The following RNF130 variants were observed in gnomAD, a reference collection of about 807,000 sequenced individuals.
The protein encoded by RNF130 is ring finger protein 130, also known as E3 ubiquitin-protein ligase RNF130.
In RNF130, 21 loss-of-function variants were observed where a neutral mutation model predicts 44.6. The ratio of observed to expected loss-of-function variants is 0.47; its 90% CI spans 0.33 to 0.68. RNF130 has a LOEUF of 0.68. Ranked by LOEUF, RNF130 falls within the 30% of genes least tolerant of loss-of-function variation. The probability of loss-of-function intolerance (pLI) is 0.02; values close to 1 mark genes in which losing one functional copy is unlikely to be tolerated. For synonymous variants in RNF130, 214 were observed against 210.4 expected (o/e 1.02, Z -0.15); for missense variants, 479 against 560.6 (o/e 0.85, Z 1.47).
exon 8 of RNF130, chr5:179,914,824 G>T (rs1042215315): frequency 9.9e-5 from 15 of 152,192 alleles, no homozygotes; most frequent in African/African-American, 3.6e-4. Context: ...GAGCCCAGGA[G>T]TTTGAGGCTA....
exon 8 of RNF130, chr5:179,913,697 C>G (rs946443727): frequency 6.6e-6 from 1 of 152,150 alleles, no homozygotes; most frequent in African/African-American, 2.4e-5. Context: ...AGGATACCCA[C>G]AAAAAAGAGG....
intron 7 of RNF130, among the ~76,000 whole-genome samples, chr5:179,923,955 G>C (rs1314668662): frequency 6.6e-6 from 1 of 152,164 alleles, no homozygotes; most frequent in East Asian, 1.9e-4. Flanking sequence ...CTCAACAGAC[G>C]AGTATTAAAT....
At chr5:180,033,448 G>A (rs1764178109) in intron 2 of RNF130, among the ~76,000 whole-genome samples, 1 of 152,216 alleles carries the variant, frequency 6.6e-6, no homozygotes, top group African/African-American at 2.4e-5. Flanking sequence ...TTTTGGGCAG[G>A]CCCAGTGGCT....
chr5:179,961,043 T>C (rs1293179506), intron 8 of RNF130, among the ~76,000 whole-genome samples: 5 of 152,136 alleles, frequency 3.3e-5, no homozygotes, highest in Non-Finnish European at 1.5e-5. Context: ...AAGAGTACTA[T>C]TATCTTTCCT....
chr5:179,936,642 T>C (rs1404398219), intron 7 of RNF130, among the ~76,000 whole-genome samples: 1 of 152,216 alleles, frequency 6.6e-6, no homozygotes, highest in African/African-American at 2.4e-5. Context: ...AGCCTTTCAT[T>C]GCTACTTTAA....
intron 1 of RNF130, among the ~76,000 whole-genome samples, chr5:180,069,731 A>G (rs1285645714): frequency 6.6e-6 from 1 of 152,266 alleles, no homozygotes; most frequent in African/African-American, 2.4e-5. Flanking sequence ...ACAGTGTCAC[A>G]CAATGGACGT....
chr5:179,927,779 A>T (rs1476810870), intron 7 of RNF130, among the ~76,000 whole-genome samples: 2 of 151,552 alleles, frequency 1.3e-5, no homozygotes, highest in Non-Finnish European at 2.9e-5. Flanking sequence ...TTTAGTAGAG[A>T]TAGGCTTTCA....
chr5:180,007,337 G>A (rs1340066184), intron 3 of RNF130, among the ~76,000 whole-genome samples: 1 of 152,160 alleles, frequency 6.6e-6, no homozygotes, highest in East Asian at 1.9e-4. Context: ...GGAGGCAGAG[G>A]TTGCAGTGAG....
chr5:179,932,108 C>A (rs1761816171), intron 7 of RNF130, among the ~76,000 whole-genome samples: 1 of 152,036 alleles, frequency 6.6e-6, no homozygotes, highest in Non-Finnish European at 1.5e-5. Context: ...GTATTTAGCT[C>A]CCCTTTTGTA....
intron 6 of RNF130, among the ~76,000 whole-genome samples, chr5:179,967,644 A>AACAATGTGGCTATTTGTTTACCT (rs1762481184): frequency 1.3e-5 from 2 of 152,268 alleles, no homozygotes; most frequent in South Asian, 4.1e-4. Flanking sequence ...CTTCCGTTGT[A>AACAATGTGGCTATTTGTTTACCT]ACAATGTGGC....
At chr5:179,954,568 A>G (rs114371021), downstream of RNF130, among the ~76,000 whole-genome samples, 870 of 152,352 alleles carry the variant, frequency 5.7e-3, 11 homozygotes, top group African/African-American at 0.02. Context: ...AGGGCTGGCA[A>G]GGGTGAGAAG....
chr5:179,949,309 G>C (rs1354593439), intron 7 of RNF130, among the ~76,000 whole-genome samples: 14 of 151,246 alleles, frequency 9.3e-5, no homozygotes, highest in Non-Finnish European at 1.5e-5. Context: ...GTGATGCCCA[G>C]GCTGGAGTGC....
intron 6 of RNF130, among the ~76,000 whole-genome samples, chr5:179,969,945 C>G (rs1389550798): frequency 6.6e-6 from 1 of 152,034 alleles, no homozygotes; most frequent in Admixed American, 6.5e-5. Context: ...GAGCCAAGAT[C>G]GTGCCATTGT....
At chr5:180,068,150 C>G (rs1308012123) in intron 1 of RNF130, among the ~76,000 whole-genome samples, 3 of 152,218 alleles carry the variant, frequency 2.0e-5, no homozygotes. Context: ...ATCATCAACA[C>G]AGGGCTTTCT....
chr5:180,070,460 G>C (rs1765224933), intron 1 of RNF130, among the ~76,000 whole-genome samples: 1 of 152,174 alleles, frequency 6.6e-6, no homozygotes, highest in African/African-American at 2.4e-5. Flanking sequence ...AGACCTCAGA[G>C]GGGCATAATA....
At chr5:179,975,148 C>G (rs867652057) in intron 5 of RNF130, among the ~76,000 whole-genome samples, 1 of 152,232 alleles carries the variant, frequency 6.6e-6, no homozygotes, top group Non-Finnish European at 1.5e-5. Flanking sequence ...CAGAAAGCCA[C>G]AGCAGGTAAC....
intron 1 of RNF130, among the ~76,000 whole-genome samples, chr5:180,067,489 T>C (rs551286310): frequency 6.6e-6 from 1 of 152,074 alleles, no homozygotes; most frequent in South Asian, 2.1e-4. Context: ...AGAAATGGGG[T>C]GGTAGCAGGA....
intron 3 of RNF130, among the ~76,000 whole-genome samples, chr5:179,991,957 C>T (rs893903853): frequency 2.0e-5 from 3 of 152,010 alleles, no homozygotes; most frequent in Non-Finnish European, 2.9e-5. Context: ...AGGCTTCACA[C>T]TCCTATGAGA....
At chr5:180,055,282 AAAAAAAAAC>A in intron 1 of RNF130, among the ~76,000 whole-genome samples, 2 of 17,040 alleles carry the variant, frequency 1.2e-4, no homozygotes, top group African/African-American at 2.1e-4. Context: ...AAAAAAAAAC[AAAAAAAAAC>A]AGCAAACAAA....
Sources: gnomAD v4.1 joint callset for allele counts (sites outside exome capture counted in the v4.1 genomes callset) on GRCh38, gnomAD v4.1.1 for gene constraint, MANE v1.5 for transcripts, NCBI Gene and HGNC (gene_info 2026-07-23, HGNC 2026-07-21) for gene names.